The following AP3B1 variants were observed in gnomAD, a reference collection of about 807,000 sequenced individuals.
The protein encoded by AP3B1 is adaptor related protein complex 3 subunit beta 1.
Under a neutral mutation model 132.5 loss-of-function variants are expected in AP3B1, and 61 were observed. The observed-to-expected ratio is 0.46, with a 90% CI of 0.37 to 0.57. The LOEUF is 0.57. Among genes scored for constraint, AP3B1 ranks in the 20% least tolerant of loss-of-function variants. The pLI is 0.00. For synonymous variants in AP3B1, 388 were observed against 438.3 expected (o/e 0.89, Z 1.43); for missense variants, 1,120 against 1,289.4 (o/e 0.87, Z 2.01).
rs1455759116 is a variant in AP3B1 at position 78,257,692 on chromosome 5, CA to C, written c.204+9827del. 5.9e-5 allele frequency among the ~76,000 whole-genome samples: 9 copies of C among 152,200 alleles called. No homozygotes were observed. In the East Asian group the frequency reaches 1.5e-3, roughly 26 times the overall value. On this transcript the variant is annotated intron_variant, in intron 2 of 26. Coordinates refer to ENST00000255194, the MANE Select transcript of AP3B1 (RefSeq NM_003664.5). ...AAATCCTAAAATTTATATGGAACCA[CA>C]AAAGATCCAGAATAGCCAAAGTTAT...
At chr5:78,086,597 C>T (rs1221484190) in intron 22 of AP3B1, among the ~76,000 whole-genome samples, 2 of 152,046 alleles carry the variant, frequency 1.3e-5, no homozygotes, top group African/African-American at 2.4e-5. Flanking sequence ...AGAACACAAC[C>T]GGAGGGAGGG....
At chr5:78,147,736 T>C (rs1753469216) in intron 14 of AP3B1, among the ~76,000 whole-genome samples, 1 of 152,156 alleles carries the variant, frequency 6.6e-6, no homozygotes, top group South Asian at 2.1e-4. Context: ...CCAGCAACTG[T>C]TGAGAAAGTT....
rs1207173270 is a variant in AP3B1, at chr5:78,141,335, G to A, written c.1474-16C>T. 2 of 1,605,928 alleles carry A rather than the reference G, an allele frequency of 1.2e-6. No individual in the cohort carries two copies. The highest frequency in any genetic ancestry group is 1.7e-6 in the Non-Finnish European group (2 of 1,173,446). On this transcript the variant is annotated splice_polypyrimidine_tract_variant and intron_variant, in intron 14 of 26. Coordinates refer to ENST00000255194, the MANE Select transcript of AP3B1 (RefSeq NM_003664.5). Reference sequence around the variant, plus strand: ...CAACAGGAACCTAATATGAGAAGCAGATTACATAGTTAGAAGTAAGTTAAT... The same window carrying A: ...CAACAGGAACCTAATATGAGAAGCAAATTACATAGTTAGAAGTAAGTTAAT...
intron 22 of AP3B1, among the ~76,000 whole-genome samples, chr5:78,060,008 A>AG: frequency 6.6e-6 from 1 of 152,212 alleles, no homozygotes; most frequent in East Asian, 1.9e-4. Flanking sequence ...CAAAAACATG[A>AG]GGGGGTCTGG....
chr5:78,028,434 C>T (rs868305047), intron 24 of AP3B1, among the ~76,000 whole-genome samples: 3 of 148,648 alleles, frequency 2.0e-5, no homozygotes, highest in South Asian at 2.1e-4. Flanking sequence ...GGCAACAGAG[C>T]GAGACTCCAT....
At chr5:78,268,362 C>A (rs1397679724) in intron 1 of AP3B1, among the ~76,000 whole-genome samples, 1 of 151,768 alleles carries the variant, frequency 6.6e-6, no homozygotes, top group Non-Finnish European at 1.5e-5. Flanking sequence ...AAAACCTAAA[C>A]CCTAAAAGAA....
At chr5:78,082,267 T>C (rs1436902020) in intron 22 of AP3B1, among the ~76,000 whole-genome samples, 2 of 152,198 alleles carry the variant, frequency 1.3e-5, no homozygotes, top group African/African-American at 2.4e-5. Flanking sequence ...CTTCCTCCTA[T>C]AGTCTACATC....
intron 16 of AP3B1, among the ~76,000 whole-genome samples, chr5:78,128,434 T>G (rs1159462780): frequency 6.6e-6 from 1 of 152,138 alleles, no homozygotes; most frequent in Non-Finnish European, 1.5e-5. Flanking sequence ...CTGTGAATAT[T>G]AAGAATGACA....
chr5:78,133,680 A>T (rs1022960702), intron 15 of AP3B1, among the ~76,000 whole-genome samples: 59 of 152,342 alleles, frequency 3.9e-4, no homozygotes, highest in Admixed American at 2.8e-3. Flanking sequence ...AGTACTTTTA[A>T]ATTTGTTTTA....
At chr5:78,248,458 A>ACTCCAGCC (rs1747470108) in intron 2 of AP3B1, among the ~76,000 whole-genome samples, 2 of 139,314 alleles carry the variant, frequency 1.4e-5, no homozygotes. Flanking sequence ...ACACCACTAC[A>ACTCCAGCC]CTCCAGCCTG....
chr5:78,012,200 C>T (rs770326293), intron 26 of AP3B1, among the ~76,000 whole-genome samples: 3 of 151,420 alleles, frequency 2.0e-5, no homozygotes, highest in Non-Finnish European at 4.4e-5. Flanking sequence ...GTATTAATTC[C>T]ATGGAGTAGG....
At chr5:78,191,701 A>C (rs557924838) in intron 7 of AP3B1, among the ~76,000 whole-genome samples, 7 of 152,312 alleles carry the variant, frequency 4.6e-5, no homozygotes, top group African/African-American at 1.7e-4. Context: ...ACTTATCAGA[A>C]AGGAAATGCT....
At chr5:78,151,614 T>C (rs1304116052) in intron 14 of AP3B1, among the ~76,000 whole-genome samples, 1 of 152,172 alleles carries the variant, frequency 6.6e-6, no homozygotes, top group Non-Finnish European at 1.5e-5. Context: ...GAAATCATCA[T>C]ATGTTTTTTG....
intron 22 of AP3B1, among the ~76,000 whole-genome samples, chr5:78,041,568 AT>A (rs887422310): frequency 5.3e-5 from 8 of 151,584 alleles, no homozygotes; most frequent in African/African-American, 1.7e-4. Flanking sequence ...CAAAAAAAAA[AT>A]AATAATAATA....
intron 2 of AP3B1, among the ~76,000 whole-genome samples, chr5:78,243,958 C>A (rs1249640890): frequency 6.6e-6 from 1 of 152,036 alleles, no homozygotes; most frequent in Non-Finnish European, 1.5e-5. Context: ...ATCTTTCTGG[C>A]TGCAATGTGA....
At chr5:78,267,698 G>A (rs1050674550) in intron 1 of AP3B1, 103 bp from the exon 2 acceptor site, 8 of 702,902 alleles carry the variant, frequency 1.1e-5, no homozygotes, top group Non-Finnish European at 1.6e-5. Context: ...CATGGGCAAT[G>A]TTAAATAACT....
chr5:78,085,283 T>C (rs577876327), intron 22 of AP3B1, among the ~76,000 whole-genome samples: 1 of 152,352 alleles, frequency 6.6e-6, no homozygotes, highest in Admixed American at 6.5e-5. Flanking sequence ...GATGGTTCTT[T>C]AATTCTACAT....
intron 21 of AP3B1, among the ~76,000 whole-genome samples, chr5:78,090,837 GGTCT>G (rs1750477735): frequency 6.6e-6 from 1 of 151,788 alleles, no homozygotes; most frequent in Non-Finnish European, 1.5e-5. Flanking sequence ...TTGGAGATAG[GGTCT>G]TGCTCTGTTG....
At chr5:78,174,345 G>A (rs187411148) in intron 11 of AP3B1, among the ~76,000 whole-genome samples, 260 of 152,276 alleles carry the variant, frequency 1.7e-3, no homozygotes, top group South Asian at 7.7e-3. Flanking sequence ...GGTCTTTGAT[G>A]TTGGTGACCT....
Sources: allele counts gnomAD v4.1 joint callset (sites outside exome capture counted in the v4.1 genomes callset), GRCh38; gene constraint gnomAD v4.1.1; transcripts MANE v1.5; gene names NCBI Gene and HGNC (gene_info 2026-07-23, HGNC 2026-07-21).